The following PPP6R2 variants were observed in gnomAD, a reference collection of about 807,000 sequenced individuals.
PPP6R2 encodes the protein serine/threonine-protein phosphatase 6 regulatory subunit 2.
PPP6R2 carries 62 observed loss-of-function variants against 100.2 expected under a neutral mutation model. The ratio of observed to expected loss-of-function variants is 0.62; its 90% CI spans 0.50 to 0.76. The LOEUF (loss-of-function observed/expected upper bound fraction) is 0.76. Ranked by LOEUF, PPP6R2 falls within the 30% of genes least tolerant of loss-of-function variation. PPP6R2 has a pLI of 0.00. For missense variants in PPP6R2, 1,142 were observed against 1,276.3 expected (o/e 0.89, Z 1.60); for synonymous variants, 525 against 514.7 (o/e 1.02, Z -0.27).
chr22:50,376,261 T>C lies in PPP6R2; in HGVS notation c.-17+4111T>C, dbSNP rs7284088. On this transcript the variant is annotated intron_variant, in intron 2 of 23. Transcript: ENST00000612753. ...CTTGAGTCCATGAGTTTGAGGCTGC[T>C]GTGAGCTATGATTGCACCGCTGCAC... Among the ~76,000 whole-genome samples the C allele has an allele frequency of 4.4e-3, 667 of 152,038 alleles. 8 individuals carry two copies. Among genetic ancestry groups the C allele is most frequent in the African/African-American group, 0.015 (622 of 41,464 alleles).
chr22:50,350,089 G>A (rs2044692262), intron 1 of PPP6R2, among the ~76,000 whole-genome samples: 1 of 151,880 alleles, frequency 6.6e-6, no homozygotes, highest in African/African-American at 2.4e-5. Context: ...CTGCACTCCA[G>A]CCTAGGCAAC....
At position 50,423,557 on chromosome 22, in the gene PPP6R2, A is replaced by T; in HGVS notation, c.1068A>T (p.Thr356=). The change falls in exon 10 of 24, where the codon ACA becomes ACT. Residue 356 remains threonine (T), a synonymous_variant. Transcript: ENST00000612753. The surrounding 1 kb of genome is among the most constrained non-coding windows in gnomAD (Gnocchi z 4.8). Reference sequence around the variant, plus strand: ...GCCTCATGGCAGCACTGCTGCACACAAACACACCCAGCATCAACCAGGAGC... The same window carrying T: ...GCCTCATGGCAGCACTGCTGCACACTAACACACCCAGCATCAACCAGGAGC... ...GARLMAALLH[T]NTPSINQELC... 1 of 1,614,194 alleles carries T rather than the reference A, an allele frequency of 6.2e-7. No homozygotes were observed. Among genetic ancestry groups the T allele is most frequent in the Non-Finnish European group, 8.5e-7 (1 of 1,180,028 alleles).
At chr22:50,377,312 A>C (rs1016695566) in intron 2 of PPP6R2, among the ~76,000 whole-genome samples, 3 of 151,808 alleles carry the variant, frequency 2.0e-5, no homozygotes, top group African/African-American at 7.3e-5. Context: ...AAAATTAGCC[A>C]GGCGTGGTGG....
At chr22:50,336,277 C>T in the PPP6R2 span, among the ~76,000 whole-genome samples, 4 of 152,162 alleles carry the variant, frequency 2.6e-5, no homozygotes, top group South Asian at 2.1e-4. Flanking sequence ...TGTGAGTCAC[C>T]GCGTCCAGCC....
At chr22:50,340,179 GTGTA>G (rs1156380010), upstream of PPP6R2, among the ~76,000 whole-genome samples, 1 of 129,178 alleles carries the variant, frequency 7.7e-6, no homozygotes, top group Non-Finnish European at 1.6e-5. Context: ...TGTGTAGGGT[GTGTA>G]TGTGGTGTGT....
chr22:50,425,502 A>G (rs1285383469), intron 10 of PPP6R2, among the ~76,000 whole-genome samples: 1 of 152,200 alleles, frequency 6.6e-6, no homozygotes, highest in Non-Finnish European at 1.5e-5. Context: ...GTTCTTCTGA[A>G]AGTAAGAAGA....
At position 50,431,307 on chromosome 22, in the gene PPP6R2, G is replaced by C; in HGVS notation, c.1260G>C (p.Pro420=). The change falls in exon 11 of 24, where the codon CCG becomes CCC. Residue 420 remains proline, a synonymous_variant. Coordinates refer to ENST00000612753, the MANE Select transcript of PPP6R2 (RefSeq NM_001242898.2). The surrounding 1 kb of genome is among the most constrained non-coding windows in gnomAD (Gnocchi z 4.8). ...GATCCGAGAGCAGGGTGGAGCCTCC[G>C]CATGAGAACGGGAACCGGAGCCTGG... is the stretch of plus-strand genomic sequence containing the variant. The part of the protein sequence containing the change: ...ASGSESRVEP[P]HENGNRSLET... 1.2e-6 allele frequency: 2 copies of C among 1,613,314 alleles called. No homozygotes were observed. Among genetic ancestry groups the C allele is most frequent in the Non-Finnish European group, 1.7e-6 (2 of 1,180,030 alleles).
Position 50,411,483 on chromosome 22 carries a change from T to G in PPP6R2, c.415-3069T>G, listed in dbSNP as rs186570321. Among the ~76,000 whole-genome samples the G allele has an allele frequency of 1.4e-3, 216 of 151,460 alleles. 1 individual carries two copies. Among genetic ancestry groups the G allele is most frequent in the South Asian group, 0.013 (62 of 4,788 alleles). ...AAAAAAGAAAAAAGGCCAGGCGTGC[T>G]GGCTCACACCTGTAATCCCAGCATT... On this transcript the variant is annotated intron_variant, in intron 4 of 23. Transcript: ENST00000612753.
chr22:50,403,308 C>T (rs2058339930), intron 3 of PPP6R2, among the ~76,000 whole-genome samples: 1 of 152,198 alleles, frequency 6.6e-6, no homozygotes, highest in African/African-American at 2.4e-5. Context: ...TTCCTCCTCA[C>T]CCCATGGGAT....
chr22:50,380,830 A>C (rs1358381636), intron 2 of PPP6R2, among the ~76,000 whole-genome samples: 2 of 151,378 alleles, frequency 1.3e-5, no homozygotes, highest in African/African-American at 2.4e-5. Flanking sequence ...ACTACTAAAA[A>C]TACAAAAAAT....
intron 12 of PPP6R2, among the ~76,000 whole-genome samples, chr22:50,434,321 G>C (rs1158065349): frequency 9.3e-4 from 59 of 63,138 alleles, no homozygotes; most frequent in African/African-American, 4.9e-3. Flanking sequence ...CATTTGCTCT[G>C]GAGGTGAACC....
At chr22:50,354,636 G>GC (rs769681157) in intron 1 of PPP6R2, among the ~76,000 whole-genome samples, 38 of 151,686 alleles carry the variant, frequency 2.5e-4, no homozygotes, top group Non-Finnish European at 2.5e-4. Flanking sequence ...GACCAGGCTG[G>GC]CCAACATGGT....
chr22:50,369,629 T>G (rs2049552518), intron 1 of PPP6R2, among the ~76,000 whole-genome samples: 2 of 152,076 alleles, frequency 1.3e-5, no homozygotes, highest in Non-Finnish European at 1.5e-5. Flanking sequence ...TTCTCTTGCC[T>G]CAGCCTCCTG....
At chr22:50,443,014 A>T (rs111249398) in intron 22 of PPP6R2, 23,869 of 151,656 alleles carry the variant, frequency 0.16, 2,044 homozygotes, top group East Asian at 0.24. Context: ...AAAATACAAA[A>T]ATTAGCCAGG....
At chr22:50,331,460 T>G in the PPP6R2 span, among the ~76,000 whole-genome samples, 2 of 152,204 alleles carry the variant, frequency 1.3e-5, no homozygotes, top group Non-Finnish European at 2.9e-5. Flanking sequence ...ACGCTTAGTA[T>G]TATTGTTCCA....
intron 5 of PPP6R2, 138 bp downstream of exon 5, chr22:50,414,827 A>T: frequency 1.0e-6 from 1 of 982,952 alleles, no homozygotes; most frequent in Non-Finnish European, 1.5e-6. Context: ...TGGGGCTGTT[A>T]GGGGTTCTTG....
chr22:50,404,819 C>T (rs941659923), intron 3 of PPP6R2, among the ~76,000 whole-genome samples: 3 of 152,106 alleles, frequency 2.0e-5, no homozygotes, highest in Admixed American at 2.0e-4. Context: ...TGTTCTGAGA[C>T]AGCCATTCCT....
chr22:50,342,552 AC>A (rs2042523842), upstream of PPP6R2, among the ~76,000 whole-genome samples: 1 of 152,238 alleles, frequency 6.6e-6, no homozygotes, highest in African/African-American at 2.4e-5. Context: ...CCGCCCAGAT[AC>A]GCTTTCGCAG....
intron 1 of PPP6R2, among the ~76,000 whole-genome samples, chr22:50,353,579 A>G (rs2045791144): frequency 6.6e-6 from 1 of 152,180 alleles, no homozygotes; most frequent in Non-Finnish European, 1.5e-5. Flanking sequence ...ACACAGAGAC[A>G]CGAAGTAAGC....
Sources: allele counts gnomAD v4.1 joint callset (sites outside exome capture counted in the v4.1 genomes callset), GRCh38; gene constraint gnomAD v4.1.1; non-coding constraint Gnocchi (gnomAD v3.1); transcripts MANE v1.5; gene names NCBI Gene and HGNC (gene_info 2026-07-23, HGNC 2026-07-21).